CA5B: variants seen among roughly 807,000 people sequenced by gnomAD.
CA5B encodes the protein carbonic anhydrase 5B, mitochondrial.
Under a neutral mutation model 23.1 loss-of-function variants are expected in CA5B, and 15 were observed. The observed-to-expected ratio is 0.65, with a 90% CI of 0.43 to 1.00. CA5B has a LOEUF of 1.00. Ranked by LOEUF, CA5B falls within the 50% of genes least tolerant of loss-of-function variation. CA5B has a pLI of 0.00. For synonymous variants in CA5B, 84 were observed against 98.5 expected, an observed-to-expected ratio of 0.85 and a Z score of 0.87; for missense variants, 236 against 252.2, an observed-to-expected ratio of 0.94 and a Z score of 0.43.
intron 7 of CA5B, among the ~76,000 whole-genome samples, chrX:15,779,926 A>G (rs1217376933): frequency 8.9e-6 from 1 of 112,205 alleles, no homozygotes; most frequent in African/African-American, 3.2e-5. Context: ...CTTTGTAAAT[A>G]CGATTTCAAC....
In CA5B at chrX:15,778,050, A is replaced by G. The variant is rs768254662; in HGVS notation, c.774+1181A>G. Among the ~76,000 whole-genome samples, 6 of 112,130 alleles carry G rather than the reference A, an allele frequency of 5.4e-5. No homozygotes were observed. The East Asian group carries it at 1.7e-3, about 31-fold the overall frequency. On this transcript the variant is annotated intron_variant, in intron 7 of 7. Transcript: ENST00000318636. ...ATTTCTAGAAATCAATACATTTGAC[A>G]TATATAAATCACAATCAGCTAAAAG...
chrX:15,759,166 G>C (rs1349484332), intron 2 of CA5B, among the ~76,000 whole-genome samples: 1 of 111,532 alleles, frequency 9.0e-6, no homozygotes, highest in Non-Finnish European at 1.9e-5. Flanking sequence ...GGAGCACGAA[G>C]AAAGGGACTA....
intron 2 of CA5B, among the ~76,000 whole-genome samples, chrX:15,752,776 C>A (rs1251878167): frequency 9.0e-6 from 1 of 110,572 alleles, no homozygotes; most frequent in Non-Finnish European, 1.9e-5. Context: ...TTTCCAGACC[C>A]TCCCAATCCT....
At chrX:15,764,453 T>C in intron 2 of CA5B, 125 bp from the exon 3 acceptor site, 2 of 1,040,895 alleles carry the variant, frequency 1.9e-6, no homozygotes, top group Non-Finnish European at 2.6e-6. Context: ...TTTCCTAGGC[T>C]GGTCTCAAAC....
chrX:15,772,301 T>G (rs1190155491), intron 3 of CA5B, among the ~76,000 whole-genome samples, 195 bp from the exon 4 acceptor site: 1 of 112,558 alleles, frequency 8.9e-6, no homozygotes, highest in Non-Finnish European at 1.9e-5. Flanking sequence ...TGTAGTTAAA[T>G]CTTGATGTTA....
chrX:15,758,853 C>T (rs1037052850), intron 2 of CA5B, among the ~76,000 whole-genome samples: 23 of 111,757 alleles, frequency 2.1e-4, no homozygotes, highest in African/African-American at 7.2e-4. Flanking sequence ...CACAAATCTT[C>T]CCAGTGATGC....
chrX:15,771,703 G>A (rs1931824432), intron 3 of CA5B, among the ~76,000 whole-genome samples: 1 of 109,048 alleles, frequency 9.2e-6, no homozygotes, highest in Non-Finnish European at 1.9e-5. Context: ...CTCCCAAAGT[G>A]TTGGGATTAC....
At chrX:15,778,865 C>T (rs1269300741) in intron 7 of CA5B, among the ~76,000 whole-genome samples, 1 of 110,695 alleles carries the variant, frequency 9.0e-6, no homozygotes, top group African/African-American at 3.3e-5. Flanking sequence ...ATGATCCCCT[C>T]CCCTGACACA....
intron 1 of CA5B, among the ~76,000 whole-genome samples, chrX:15,744,957 T>C (rs778187927): frequency 4.3e-4 from 47 of 109,655 alleles, no homozygotes; most frequent in Non-Finnish European, 7.8e-4. Flanking sequence ...TCACCTGAGG[T>C]CAGGAGTTCG....
chrX:15,754,412 G>C (rs1374183046), intron 2 of CA5B, among the ~76,000 whole-genome samples: 1 of 112,470 alleles, frequency 8.9e-6, no homozygotes, highest in Non-Finnish European at 1.9e-5. Context: ...GAAAGTAGGA[G>C]GTTGTGGCAA....
At chrX:15,781,395 T>C (rs774591771) in intron 7 of CA5B, among the ~76,000 whole-genome samples, 1 of 112,114 alleles carries the variant, frequency 8.9e-6, no homozygotes, top group Admixed American at 9.5e-5. Context: ...CATTGAGTTG[T>C]ATTGTCTAAT....
chrX:15,753,444 A>C (rs1445030330), intron 2 of CA5B, among the ~76,000 whole-genome samples: 1 of 112,115 alleles, frequency 8.9e-6, no homozygotes, highest in Non-Finnish European at 1.9e-5. Flanking sequence ...TCCCAGTAGC[A>C]GGCTTCAGAG....
At chrX:15,780,298 G>A (rs1263803962) in intron 7 of CA5B, among the ~76,000 whole-genome samples, 2 of 104,875 alleles carry the variant, frequency 1.9e-5, no homozygotes, top group African/African-American at 3.4e-5. Context: ...TTTTTAAGAC[G>A]GTCTCTAGCT....
chrX:15,759,990 G>A (rs1931571144), intron 2 of CA5B, among the ~76,000 whole-genome samples: 1 of 109,532 alleles, frequency 9.1e-6, no homozygotes, highest in Non-Finnish European at 1.9e-5. Flanking sequence ...CTGACCTCAG[G>A]TGATCTGCCT....
intron 2 of CA5B, among the ~76,000 whole-genome samples, chrX:15,752,202 C>G (rs1481133361): frequency 9.1e-6 from 1 of 110,227 alleles, no homozygotes; most frequent in African/African-American, 3.3e-5. Flanking sequence ...TTTATCTTGC[C>G]CAAATTCCTA....
chrX:15,759,129 T>C (rs1931550187), intron 2 of CA5B, among the ~76,000 whole-genome samples: 1 of 110,621 alleles, frequency 9.0e-6, no homozygotes, highest in Admixed American at 9.6e-5. Context: ...CTGAGCCAAA[T>C]GAGGGGTAGT....
At chrX:15,745,544 AAG>A (rs1244708938) in intron 1 of CA5B, 2 of 112,745 alleles carry the variant, frequency 1.8e-5, no homozygotes, top group Non-Finnish European at 3.7e-5. Flanking sequence ...GTAACAAAAA[AAG>A]AAGTATTTGT....
intron 2 of CA5B, among the ~76,000 whole-genome samples, chrX:15,757,785 G>A (rs1232711587): frequency 9.0e-6 from 1 of 110,922 alleles, no homozygotes; most frequent in African/African-American, 3.3e-5. Flanking sequence ...ATGCTAAGGG[G>A]AACAGCATGA....
At chrX:15,774,591 T>C (rs756953377) in intron 5 of CA5B, among the ~76,000 whole-genome samples, 194 bp downstream of exon 5, 38 of 112,018 alleles carry the variant, frequency 3.4e-4, no homozygotes, top group African/African-American at 1.2e-3. Flanking sequence ...CCCAGCACTT[T>C]GGGAGGCCGA....
Sources: allele counts gnomAD v4.1 joint callset (sites outside exome capture counted in the v4.1 genomes callset), GRCh38; gene constraint gnomAD v4.1.1; transcripts MANE v1.5; gene names NCBI Gene and HGNC (gene_info 2026-07-23, HGNC 2026-07-21).